Variants in VPS13B observed in about 807,000 individuals in gnomAD.
The protein encoded by VPS13B is vacuolar protein sorting 13 homolog B, also known as intermembrane lipid transfer protein VPS13B.
Under a neutral mutation model 426.4 loss-of-function variants are expected in VPS13B, and 285 were observed. The ratio of observed to expected loss-of-function variants is 0.67; its 90% CI spans 0.61 to 0.74. The LOEUF (loss-of-function observed/expected upper bound fraction) is 0.74. Among genes scored for constraint, VPS13B ranks in the 30% least tolerant of loss-of-function variants. VPS13B has a pLI of 0.00. For missense variants in VPS13B, 4,537 were observed against 4,782.6 expected (o/e 0.95, Z 1.51); for synonymous variants, 1,676 against 1,676.4 (o/e 1.00, Z 0.01).
At chr8:99,436,531 A>T (rs549896661) in intron 22 of VPS13B, among the ~76,000 whole-genome samples, 1 of 152,182 alleles carries the variant, frequency 6.6e-6, no homozygotes, top group Non-Finnish European at 1.5e-5. Flanking sequence ...TAATCATTGC[A>T]GTACCAAATA....
chr8:99,741,202 C>G (rs1444278146), intron 39 of VPS13B, among the ~76,000 whole-genome samples: 1 of 152,078 alleles, frequency 6.6e-6, no homozygotes, highest in Non-Finnish European at 1.5e-5. Flanking sequence ...GACTTTAAAC[C>G]AACAAAGATC....
intron 14 of VPS13B, among the ~76,000 whole-genome samples, chr8:99,153,248 G>A (rs1300725891): frequency 1.3e-5 from 2 of 152,120 alleles, no homozygotes; most frequent in Non-Finnish European, 2.9e-5. Flanking sequence ...TGTATCTTCA[G>A]CTGCCTTGAC....
intron 22 of VPS13B, among the ~76,000 whole-genome samples, 197 bp from the exon 23 acceptor site, chr8:99,442,204 G>T (rs923177221): frequency 6.6e-6 from 1 of 152,026 alleles, no homozygotes; most frequent in African/African-American, 2.4e-5. Context: ...TTGTCACTAG[G>T]CATTTTGTAT....
At chr8:99,600,517 GA>G (rs1174974303) in intron 33 of VPS13B, among the ~76,000 whole-genome samples, 4 of 152,158 alleles carry the variant, frequency 2.6e-5, no homozygotes, top group African/African-American at 9.7e-5. Context: ...AGCCATTGAA[GA>G]GTCAAAAACA....
At chr8:99,440,809 A>G (rs1563731654) in intron 22 of VPS13B, among the ~76,000 whole-genome samples, 1 of 152,046 alleles carries the variant, frequency 6.6e-6, no homozygotes, top group African/African-American at 2.4e-5. Flanking sequence ...ATGGTAGCAT[A>G]CTAAACTAAT....
chr8:99,854,197 C>T lies in VPS13B; in HGVS notation c.10808C>T (p.Ala3603Val), dbSNP rs762394387. 3.1e-6 allele frequency: 5 copies of T among 1,614,016 alleles called. 1 individual carries two copies. The highest frequency in any genetic ancestry group is 1.1e-5 in the South Asian group (1 of 91,064). The change falls in exon 56 of 62, where the codon GCG becomes GTG. Residue 3603 changes from alanine (A) to valine (V), a missense_variant. Ala to Val is a moderately conservative substitution (Grantham distance 64). Transcript: ENST00000357162. ...VFERGPIFTT[A>V]RQLVHALAMH... ...GAAAGAGGACCCATCTTCACCACTG[C>T]GAGGCAGCTTGTGCACGCCCTGGCA... is the stretch of plus-strand genomic sequence containing the variant.
intron 39 of VPS13B, among the ~76,000 whole-genome samples, chr8:99,743,309 A>G (rs578075740): frequency 6.6e-6 from 1 of 152,138 alleles, no homozygotes; most frequent in East Asian, 1.9e-4. Flanking sequence ...ACCACTGCTC[A>G]ATGAAATAAA....
intron 31 of VPS13B, among the ~76,000 whole-genome samples, chr8:99,561,049 A>G (rs898204903): frequency 2.0e-5 from 3 of 152,332 alleles, no homozygotes; most frequent in East Asian, 1.9e-4. Flanking sequence ...CACATAACAT[A>G]AAATTAACCA....
chr8:99,167,182 G>A (rs891780825), intron 15 of VPS13B, among the ~76,000 whole-genome samples: 5 of 152,010 alleles, frequency 3.3e-5, no homozygotes, highest in African/African-American at 1.2e-4. Flanking sequence ...AAATTCTTTG[G>A]TTGATTTTGA....
chr8:99,684,581 G>T (rs1243086572), intron 35 of VPS13B, among the ~76,000 whole-genome samples: 1 of 152,096 alleles, frequency 6.6e-6, no homozygotes, highest in Non-Finnish European at 1.5e-5. Context: ...GTAGTATTTT[G>T]AATTCTAGTC....
chr8:99,360,940 C>G (rs1812526458), intron 19 of VPS13B, among the ~76,000 whole-genome samples: 2 of 152,054 alleles, frequency 1.3e-5, no homozygotes, highest in South Asian at 4.1e-4. Flanking sequence ...ATATTATTGT[C>G]CTTTGAGAGA....
chr8:99,273,582 C>T (rs1169040984), intron 17 of VPS13B, among the ~76,000 whole-genome samples: 1 of 152,004 alleles, frequency 6.6e-6, no homozygotes, highest in African/African-American at 2.4e-5. Context: ...GTCAGGAGTT[C>T]AAGACCAGCC....
chr8:99,520,875 A>G, intron 29 of VPS13B, 24 bp from the exon 30 acceptor site: 1 of 1,591,876 alleles, frequency 6.3e-7, no homozygotes, highest in Middle Eastern at 1.7e-4. Flanking sequence ...CAGTGTATTC[A>G]TGAATCTCCT....
At chr8:99,696,978 C>T (rs1410324477) in intron 35 of VPS13B, 3 of 623,740 alleles carry the variant, frequency 4.8e-6, no homozygotes, top group Non-Finnish European at 9.1e-6. Context: ...CAAGGGGCTG[C>T]AGCCGGCGTG....
intron 55 of VPS13B, among the ~76,000 whole-genome samples, chr8:99,851,554 T>C (rs545457464): frequency 1.3e-5 from 2 of 152,174 alleles, no homozygotes; most frequent in African/African-American, 2.4e-5. Context: ...CACTGAGAAG[T>C]TGATGTTTGG....
rs560013189 is a variant in VPS13B at position 99,093,864 on chromosome 8, G to C, written c.292-2448G>C. 5 of 152,106 alleles carry C rather than the reference G, an allele frequency of 3.3e-5. No homozygotes were observed. In the East Asian group the frequency reaches 9.7e-4, roughly 29 times the overall value. 9.4% of individuals were successfully genotyped at this position (152,106 alleles called of 1,614,324 possible). On this transcript the variant is annotated intron_variant, in intron 3 of 61. Transcript: ENST00000357162. ...TCTAGAAGAAATGGATAAATTCCTCGACACAGACACTCTCCCAAGACTAAA... is the reference window on the plus strand; with the variant it reads ...TCTAGAAGAAATGGATAAATTCCTCCACACAGACACTCTCCCAAGACTAAA...
chr8:99,501,697 T>TA lies in VPS13B; in HGVS notation c.3882dup (p.Gln1295ThrfsTer4). The TA allele has an allele frequency of 6.2e-7, 1 of 1,614,112 alleles. No individual in the cohort carries two copies. The highest frequency in any genetic ancestry group is 8.5e-7 in the Non-Finnish European group (1 of 1,179,978). On this transcript the variant is annotated frameshift_variant, in exon 26 of 62. Transcript: ENST00000357162. LOFTEE classifies it high-confidence loss of function. ...TTCTCCTCATCCCAGGGAGATTCTA[T>TA]ACAAGCAGGTGAGGAATCACCATTC...
chr8:99,241,981 C>CT (rs918627778), intron 17 of VPS13B, among the ~76,000 whole-genome samples: 7 of 151,212 alleles, frequency 4.6e-5, no homozygotes, highest in Non-Finnish European at 1.0e-4. Flanking sequence ...TAATTGGTTT[C>CT]TTTTTTTTTC....
At position 99,443,520 on chromosome 8, in the gene VPS13B, A is replaced by C. The variant is rs139514414; in HGVS notation, c.3445+885A>C. Among the ~76,000 whole-genome samples the C allele has an allele frequency of 4.6e-4, 70 of 152,296 alleles. 1 individual carries two copies. The East Asian group carries it at 0.013, about 28-fold the overall frequency. On this transcript the variant is annotated intron_variant, in intron 23 of 61. Transcript: ENST00000357162. ...CTGAGAGACATTTTTGGTCCTTAAT[A>C]ACATGAATACTATTATCATACAATT...
Sources: allele counts gnomAD v4.1 joint callset (sites outside exome capture counted in the v4.1 genomes callset), GRCh38; gene constraint gnomAD v4.1.1; transcripts MANE v1.5; gene names NCBI Gene and HGNC (gene_info 2026-07-23, HGNC 2026-07-21).